ELP4: variants seen among roughly 807,000 people sequenced by gnomAD.
ELP4 encodes the protein elongator complex protein 4.
A neutral mutation model predicts 48.9 loss-of-function variants in ELP4; 51 were observed. The ratio of observed to expected loss-of-function variants is 1.04; its 90% CI spans 0.83 to 1.32. ELP4 has a LOEUF of 1.32. Ranked by LOEUF, ELP4 falls within the 40% of genes most tolerant of loss-of-function variation. The probability of loss-of-function intolerance (pLI) is 0.00; values close to 1 mark genes in which losing one functional copy is unlikely to be tolerated. For missense variants in ELP4, 519 were observed against 514.6 expected (o/e 1.01, Z -0.08); for synonymous variants, 210 against 189.2 (o/e 1.11, Z -0.90).
At chr11:31,608,555 C>T (rs1957918818) in intron 5 of ELP4, among the ~76,000 whole-genome samples, 1 of 145,020 alleles carries the variant, frequency 6.9e-6, no homozygotes, top group African/African-American at 2.6e-5. Flanking sequence ...GTGTTTCACA[C>T]TACTGGGTTA....
chr11:31,744,452 A>G (rs1592274167), intron 9 of ELP4, among the ~76,000 whole-genome samples: 2 of 152,046 alleles, frequency 1.3e-5, no homozygotes, highest in South Asian at 4.1e-4. Context: ...AAGAATTTTG[A>G]CCAATATCCT....
chr11:31,570,374 G>A (rs942536470), intron 3 of ELP4, among the ~76,000 whole-genome samples: 1 of 151,996 alleles, frequency 6.6e-6, no homozygotes, highest in South Asian at 2.1e-4. Context: ...GAAGGAGTGA[G>A]GCAAGGGTTG....
chr11:31,553,725 A>AACACACACACACAAAC (rs1956887381), intron 3 of ELP4, among the ~76,000 whole-genome samples: 1 of 140,406 alleles, frequency 7.1e-6, no homozygotes, highest in African/African-American at 2.7e-5. Flanking sequence ...TGCACACACA[A>AACACACACACACAAAC]ACACACACAC....
At chr11:31,567,223 G>A (rs1220363378) in intron 3 of ELP4, among the ~76,000 whole-genome samples, 5 of 151,986 alleles carry the variant, frequency 3.3e-5, no homozygotes, top group East Asian at 1.9e-4. Context: ...GTGAGCCACC[G>A]CACCCGGCCT....
chr11:31,751,783 C>T (rs1947726137), intron 9 of ELP4, among the ~76,000 whole-genome samples: 2 of 152,146 alleles, frequency 1.3e-5, no homozygotes, highest in African/African-American at 2.4e-5. Context: ...GTCTCAATGC[C>T]TGGTACCTAA....
chr11:31,576,125 G>A (rs1025525942), intron 3 of ELP4, among the ~76,000 whole-genome samples: 2 of 152,060 alleles, frequency 1.3e-5, no homozygotes, highest in Non-Finnish European at 2.9e-5. Flanking sequence ...AACAAAAATA[G>A]GCAGGGATTG....
intron 9 of ELP4, among the ~76,000 whole-genome samples, chr11:31,717,444 G>A (rs1263740859): frequency 6.6e-6 from 1 of 152,062 alleles, no homozygotes; most frequent in Non-Finnish European, 1.5e-5. Flanking sequence ...TAATAAAAAT[G>A]TGCAGATAGA....
chr11:31,660,450 T>G (rs956671504), intron 9 of ELP4, among the ~76,000 whole-genome samples: 3 of 152,196 alleles, frequency 2.0e-5, no homozygotes, highest in African/African-American at 7.2e-5. Flanking sequence ...GGTAAACTTC[T>G]CTTGTAGTCA....
At chr11:31,665,499 T>A (rs1266173256) in intron 9 of ELP4, among the ~76,000 whole-genome samples, 1 of 152,124 alleles carries the variant, frequency 6.6e-6, no homozygotes, top group Non-Finnish European at 1.5e-5. Context: ...AACTATAAAG[T>A]CATTTTTCAA....
chr11:31,759,390 C>T (rs1266757505), intron 9 of ELP4, among the ~76,000 whole-genome samples: 7 of 152,180 alleles, frequency 4.6e-5, no homozygotes, highest in African/African-American at 1.7e-4. Flanking sequence ...GACTGGAGCA[C>T]CTATGCTAAC....
intron 7 of ELP4, among the ~76,000 whole-genome samples, chr11:31,640,351 C>T (rs965368442): frequency 4.0e-5 from 6 of 151,836 alleles, no homozygotes; most frequent in Non-Finnish European, 5.9e-5. Context: ...TATTTATATA[C>T]TTGGTTACGT....
intron 9 of ELP4, among the ~76,000 whole-genome samples, chr11:31,664,711 A>C (rs1193606334): frequency 6.6e-6 from 1 of 152,150 alleles, no homozygotes; most frequent in Non-Finnish European, 1.5e-5. Context: ...GGAAATATGC[A>C]GCTGAAGGAA....
At chr11:31,529,624 CT>C (rs978677463) in intron 2 of ELP4, among the ~76,000 whole-genome samples, 4 of 152,156 alleles carry the variant, frequency 2.6e-5, no homozygotes, top group African/African-American at 9.7e-5. Context: ...TTGGGAAAGC[CT>C]GCTTTATATC....
chr11:31,654,718 T>C (rs547150852), intron 9 of ELP4: 1 of 151,958 alleles, frequency 6.6e-6, no homozygotes, highest in Non-Finnish European at 1.5e-5. Flanking sequence ...TATTTCATGA[T>C]ATGTTTGGTC....
intron 3 of ELP4, among the ~76,000 whole-genome samples, chr11:31,583,505 G>C (rs1957424563): frequency 6.6e-6 from 1 of 152,128 alleles, no homozygotes; most frequent in South Asian, 2.1e-4. Context: ...AGGAGACTGA[G>C]GCAAGAGGAT....
chr11:31,757,871 C>A lies in ELP4; in HGVS notation c.1144-25522C>A, dbSNP rs1024834389. ...TTGTATTTCTATATAAATGTGTGCT[C>A]AATACATCATTTTAAAAGAAATGTA... On this transcript the variant is annotated intron_variant, in intron 9 of 9. Transcript: ENST00000640961. Among the ~76,000 whole-genome samples, 6 of 152,158 alleles carry A rather than the reference C, an allele frequency of 3.9e-5. No homozygotes were observed. In the South Asian group the frequency reaches 1.2e-3, roughly 32 times the overall value.
chr11:31,518,286 A>G (rs1463443477), intron 1 of ELP4, among the ~76,000 whole-genome samples: 7 of 151,508 alleles, frequency 4.6e-5, no homozygotes, highest in Admixed American at 1.3e-4. Flanking sequence ...TTGTATTTTT[A>G]GTAGAGACGG....
intron 3 of ELP4, among the ~76,000 whole-genome samples, chr11:31,545,828 T>C (rs922405804): frequency 2.0e-4 from 30 of 152,238 alleles, no homozygotes; most frequent in African/African-American, 6.7e-4. Context: ...GGGGCCAATA[T>C]TGAACATTCT....
rs746111480 is a variant in ELP4, at chr11:31,783,515, G to A, written c.1266G>A (p.Leu422=). Residue 422 remains leucine (L), a synonymous_variant, in exon 10 of 10, where the codon CTG becomes CTA. Coordinates refer to ENST00000640961, the MANE Select transcript of ELP4 (RefSeq NM_019040.5). ...TGATGGCCGGAGGCAAGAAGCACCT[G>A]GACTTCTAGGGATTCCTCCTTAGTC... The part of the protein sequence containing the change: ...CGMMAGGKKH[L]DF 3 of 1,613,706 alleles carry A rather than the reference G, an allele frequency of 1.9e-6. No homozygotes were observed. Among genetic ancestry groups the A allele is most frequent in the Non-Finnish European group, 8.5e-7 (1 of 1,179,798 alleles).
Sources: gnomAD v4.1 joint callset for allele counts (sites outside exome capture counted in the v4.1 genomes callset) on GRCh38, gnomAD v4.1.1 for gene constraint, MANE v1.5 for transcripts, NCBI Gene and HGNC (gene_info 2026-07-23, HGNC 2026-07-21) for gene names.